The following RIMS3 variants were observed in gnomAD, a reference collection of about 807,000 sequenced individuals.
The protein encoded by RIMS3 is regulating synaptic membrane exocytosis 3.
In RIMS3, 15 loss-of-function variants were observed where a neutral mutation model predicts 29.2. The ratio of observed to expected loss-of-function variants is 0.51; its 90% CI spans 0.34 to 0.79. RIMS3 has a LOEUF of 0.79. Among genes scored for constraint, RIMS3 ranks in the 30% least tolerant of loss-of-function variants. RIMS3 has a pLI of 0.01. For synonymous variants in RIMS3, 161 were observed against 170.1 expected (o/e 0.95, Z 0.41); for missense variants, 342 against 421.4 (o/e 0.81, Z 1.65).
chr1:40,626,864 A>G, intron 7 of RIMS3, 135 bp from the exon 8 acceptor site: 2 of 756,440 alleles, frequency 2.6e-6, no homozygotes, highest in Non-Finnish European at 4.6e-6. Context: ...GATTTCACAC[A>G]ATAATTTACT....
chr1:40,669,696 C>G (rs1002030786), upstream of RIMS3: 6 of 152,212 alleles, frequency 3.9e-5, no homozygotes, highest in Admixed American at 3.9e-4. Context: ...TCTATATGCT[C>G]TGAGTTTGGG....
chr1:40,630,550 T>C (rs565510904), intron 5 of RIMS3, among the ~76,000 whole-genome samples: 1 of 152,320 alleles, frequency 6.6e-6, no homozygotes, highest in Non-Finnish European at 1.5e-5. Flanking sequence ...GATTTGCTAA[T>C]TTCAAGAGAC....
chr1:40,627,423 T>A (rs1646461844), intron 7 of RIMS3, among the ~76,000 whole-genome samples: 1 of 151,792 alleles, frequency 6.6e-6, no homozygotes, highest in Non-Finnish European at 1.5e-5. Flanking sequence ...AGAGACGGGG[T>A]TTCACCATGT....
the RIMS3 span, among the ~76,000 whole-genome samples, chr1:40,685,212 T>C: frequency 6.6e-5 from 10 of 150,642 alleles, no homozygotes; most frequent in South Asian, 2.1e-3. Flanking sequence ...TTCATGTTAG[T>C]TCAGAGTCTC....
intron 1 of RIMS3, among the ~76,000 whole-genome samples, chr1:40,653,164 C>T (rs552991917): frequency 1.5e-4 from 23 of 152,198 alleles, no homozygotes; most frequent in African/African-American, 2.4e-4. Context: ...GATTCACGAG[C>T]GCTCAGGAGA....
chr1:40,691,808 T>C, the RIMS3 span: 2 of 446,992 alleles, frequency 4.5e-6, no homozygotes, highest in African/African-American at 4.1e-5. Flanking sequence ...GGCCTCTGCA[T>C]TGCCCGACTC....
rs76752975 is a variant in RIMS3 at position 40,654,160 on chromosome 1, T to G, written c.-206-6318A>C. Among the ~76,000 whole-genome samples the G allele has an allele frequency of 6.4e-5, 1 of 15,528 alleles. No homozygotes were observed. Among genetic ancestry groups the G allele is most frequent in the Non-Finnish European group, 1.4e-4 (1 of 7,390 alleles). The allele number at this position is 15,528 out of a possible 152,430, so 10.2% of individuals were successfully genotyped here. ...TCTCCTCCCCTCCCCTTCCCGCCCC[T>G]CCCCCTCCCCGCCCCTCCCCCGCGC... is the stretch of plus-strand genomic sequence containing the variant. On this transcript the variant is annotated intron_variant, in intron 1 of 7. Coordinates refer to ENST00000372684, the MANE Select transcript of RIMS3 (RefSeq NM_014747.3). This position sits in a 1 kb window ranked among gnomAD's most constrained non-coding sequence, Gnocchi z 5.3.
chr1:40,632,264 A>G (rs1475152550), intron 5 of RIMS3, among the ~76,000 whole-genome samples: 1 of 152,010 alleles, frequency 6.6e-6, no homozygotes, highest in African/African-American at 2.4e-5. Flanking sequence ...CATCATATAC[A>G]TGACAGTGGG....
chr1:40,657,856 G>A (rs1430524961), intron 1 of RIMS3, among the ~76,000 whole-genome samples: 2 of 151,884 alleles, frequency 1.3e-5, no homozygotes, highest in South Asian at 2.1e-4. Flanking sequence ...GCAGTGAGCT[G>A]TGTTCAAGTC....
chr1:40,670,601 T>TATATATATATAA (rs1642481627), upstream of RIMS3, among the ~76,000 whole-genome samples: 2 of 134,392 alleles, frequency 1.5e-5, no homozygotes, highest in Non-Finnish European at 1.6e-5. Context: ...TATATATATA[T>TATATATATATAA]ATATATATTT....
chr1:40,636,154 G>A lies in RIMS3; in HGVS notation c.218-97C>T. 1 of 1,440,442 alleles carries A rather than the reference G, an allele frequency of 6.9e-7. No homozygotes were observed. The highest frequency in any genetic ancestry group is 9.5e-7 in the Non-Finnish European group (1 of 1,047,692). 89.2% of individuals were successfully genotyped at this position (1,440,442 alleles called of 1,614,324 possible). A position where few individuals can be genotyped will look rare whatever the true frequency, so the allele number is the denominator to read the frequency against. On this transcript the variant is annotated intron_variant, in intron 3 of 7. Transcript: ENST00000372684. This position sits in a 1 kb window ranked among gnomAD's most constrained non-coding sequence, Gnocchi z 4.2. ...CTGCCAAAGTCACTCTCTTGGCATG[G>A]GGGGTTGATGGGGAGGATGAGCAGG...
chr1:40,641,583 A>T, intron 3 of RIMS3, 126 bp downstream of exon 3: 1 of 877,882 alleles, frequency 1.1e-6, no homozygotes, highest in Non-Finnish European at 1.8e-6. Context: ...CACCTGGTGT[A>T]TGGGAAGGGC....
At chr1:40,628,172 T>G (rs7545359) in intron 7 of RIMS3, among the ~76,000 whole-genome samples, 2 of 152,114 alleles carry the variant, frequency 1.3e-5, no homozygotes, top group Admixed American at 1.3e-4. Context: ...TAATGAGTGC[T>G]GAGCTGGAAT....
chr1:40,632,729 G>C (rs1039724401), intron 5 of RIMS3, among the ~76,000 whole-genome samples: 25 of 152,010 alleles, frequency 1.6e-4, no homozygotes, highest in African/African-American at 6.0e-4. Context: ...AAGGAAAAGC[G>C]ATAAGAAAAT....
At chr1:40,676,475 T>G in the RIMS3 span, among the ~76,000 whole-genome samples, 74 of 152,274 alleles carry the variant, frequency 4.9e-4, 1 homozygote, top group East Asian at 0.01. Context: ...ACAATTCGAC[T>G]CCTCCTTCGA....
At chr1:40,647,900 G>T (rs1284220153) in intron 1 of RIMS3, 58 bp from the exon 2 acceptor site, 1 of 152,210 alleles carries the variant, frequency 6.6e-6, no homozygotes, top group East Asian at 1.9e-4. Context: ...ACCCTCAAGG[G>T]CTTCCAGTAG....
chr1:40,690,545 T>G, the RIMS3 span: 1 of 152,350 alleles, frequency 6.6e-6, no homozygotes, highest in East Asian at 1.9e-4. Flanking sequence ...TTTTTACAGA[T>G]GAAGGAATTG....
intron 5 of RIMS3, among the ~76,000 whole-genome samples, chr1:40,631,183 G>A (rs1335734351): frequency 6.6e-6 from 1 of 152,154 alleles, no homozygotes; most frequent in Non-Finnish European, 1.5e-5. Flanking sequence ...ACCTCTGGAG[G>A]AGCTATCCTG....
chr1:40,661,796 GGGATGT>G (rs575555224), intron 1 of RIMS3, among the ~76,000 whole-genome samples: 6 of 152,236 alleles, frequency 3.9e-5, no homozygotes, highest in African/African-American at 7.2e-5. Context: ...CTGCAGAGCT[GGGATGT>G]GGGCACAGAG....
Sources: gnomAD v4.1 joint callset for allele counts (sites outside exome capture counted in the v4.1 genomes callset) on GRCh38, gnomAD v4.1.1 for gene constraint, Gnocchi (gnomAD v3.1) non-coding constraint, MANE v1.5 for transcripts, NCBI Gene and HGNC (gene_info 2026-07-23, HGNC 2026-07-21) for gene names.